Variants in FUT9 observed in about 807,000 individuals in gnomAD.
FUT9 encodes the protein 4-galactosyl-N-acetylglucosaminide 3-alpha-L-fucosyltransferase 9.
A neutral mutation model predicts 29.7 loss-of-function variants in FUT9; 15 were observed. That is an observed-to-expected ratio of 0.51 (90% CI 0.34 to 0.78). FUT9 has a LOEUF of 0.78. Ranked by LOEUF, FUT9 falls within the 30% of genes least tolerant of loss-of-function variation. The probability of loss-of-function intolerance (pLI) is 0.01; values close to 1 mark genes in which losing one functional copy is unlikely to be tolerated. For missense variants in FUT9, 319 were observed against 425.4 expected, an observed-to-expected ratio of 0.75 and a Z score of 2.20; for synonymous variants, 169 against 153.7, an observed-to-expected ratio of 1.10 and a Z score of -0.74.
intron 1 of FUT9, among the ~76,000 whole-genome samples, chr6:96,061,531 G>T (rs1300753700): frequency 6.6e-6 from 1 of 151,714 alleles, no homozygotes; most frequent in Non-Finnish European, 1.5e-5. Context: ...TTCCCATGGG[G>T]TTGGTAAACT....
rs146500175 is a variant in FUT9, at chr6:96,098,712, A to T, written c.-97-15327A>T. On this transcript the variant is annotated intron_variant, in intron 1 of 2. Transcript: ENST00000302103. ...ACCTCCTGCAGTTTTACAGTGAGCC[A>T]TTAATCAATACTGTTTGGTAGGAAA... Among the ~76,000 whole-genome samples the T allele has an allele frequency of 6.6e-4, 101 of 152,282 alleles. 1 individual carries two copies. The highest frequency in any genetic ancestry group is 3.4e-3 in the Middle Eastern group (1 of 294).
At chr6:96,072,669 G>A (rs750981216) in intron 1 of FUT9, among the ~76,000 whole-genome samples, 1 of 152,052 alleles carries the variant, frequency 6.6e-6, no homozygotes, top group African/African-American at 2.4e-5. Context: ...ATAGAAAAAG[G>A]CAACTTTTTT....
chr6:96,019,244 TA>T (rs1261918782), intron 1 of FUT9, among the ~76,000 whole-genome samples: 2 of 151,936 alleles, frequency 1.3e-5, no homozygotes, highest in African/African-American at 4.8e-5. Context: ...TAATAATAGA[TA>T]AAGAGCTAAA....
At chr6:96,068,099 A>C (rs1582207131) in intron 1 of FUT9, among the ~76,000 whole-genome samples, 1 of 152,162 alleles carries the variant, frequency 6.6e-6, no homozygotes, top group East Asian at 1.9e-4. Context: ...TAATGAATCC[A>C]ACTTTGGATT....
chr6:96,191,019 T>C (rs913434792), intron 2 of FUT9, among the ~76,000 whole-genome samples: 1 of 152,178 alleles, frequency 6.6e-6, no homozygotes. Flanking sequence ...TGCTCTGTTT[T>C]TTCCCCATCT....
intron 2 of FUT9, among the ~76,000 whole-genome samples, chr6:96,138,649 C>A (rs1274473230): frequency 6.6e-6 from 1 of 152,180 alleles, no homozygotes; most frequent in Admixed American, 6.5e-5. Context: ...CTGTCAGCAA[C>A]TTCGAAGCTG....
At chr6:96,192,812 G>T (rs1287331911) in intron 2 of FUT9, among the ~76,000 whole-genome samples, 6 of 152,010 alleles carry the variant, frequency 3.9e-5, no homozygotes, top group Non-Finnish European at 8.8e-5. Flanking sequence ...ATAATACAAG[G>T]CTACAGTAAA....
intron 1 of FUT9, among the ~76,000 whole-genome samples, chr6:96,096,801 T>G (rs148616057): frequency 6.6e-6 from 1 of 152,016 alleles, no homozygotes; most frequent in East Asian, 1.9e-4. Flanking sequence ...CAGCCCCTTT[T>G]TCTCCTTACT....
chr6:96,186,817 G>A (rs1582294267), intron 2 of FUT9, among the ~76,000 whole-genome samples: 1 of 152,220 alleles, frequency 6.6e-6, no homozygotes, highest in East Asian at 1.9e-4. Context: ...AGCAAGTTCA[G>A]CCTTTCTCTA....
At chr6:96,046,637 C>T (rs1770568534) in intron 1 of FUT9, among the ~76,000 whole-genome samples, 2 of 152,000 alleles carry the variant, frequency 1.3e-5, no homozygotes, top group African/African-American at 4.8e-5. Context: ...TATTTCATGC[C>T]CCTTCCCACA....
chr6:96,126,348 G>A (rs1406931591), intron 2 of FUT9, among the ~76,000 whole-genome samples: 1 of 152,072 alleles, frequency 6.6e-6, no homozygotes, highest in African/African-American at 2.4e-5. Context: ...AGGGTGCTGG[G>A]CTGTTTTAAA....
chr6:96,106,083 G>C (rs1330717680), intron 1 of FUT9, among the ~76,000 whole-genome samples: 1 of 148,974 alleles, frequency 6.7e-6, no homozygotes, highest in Non-Finnish European at 1.5e-5. Flanking sequence ...AGGAAAGAGA[G>C]AAAGCCTGAA....
chr6:96,060,206 A>G (rs1482137348), intron 1 of FUT9, among the ~76,000 whole-genome samples: 1 of 152,190 alleles, frequency 6.6e-6, no homozygotes, highest in Non-Finnish European at 1.5e-5. Context: ...AAACTCACTT[A>G]TGGGGAGCCA....
chr6:96,149,340 CA>C (rs34666168), intron 2 of FUT9, among the ~76,000 whole-genome samples: 85,820 of 147,758 alleles, frequency 0.58, 25,229 homozygotes, highest in East Asian at 0.78. Context: ...TTAAGGCAGA[CA>C]AAAAAAAAAG....
chr6:96,026,763 T>C (rs1237484298), intron 1 of FUT9, among the ~76,000 whole-genome samples: 1 of 151,714 alleles, frequency 6.6e-6, no homozygotes, highest in Non-Finnish European at 1.5e-5. Flanking sequence ...TGCCTTTCTT[T>C]GTATTAACAC....
chr6:96,159,154 A>G (rs1343472513), intron 2 of FUT9, among the ~76,000 whole-genome samples: 8 of 152,218 alleles, frequency 5.3e-5, no homozygotes, highest in Non-Finnish European at 1.2e-4. Flanking sequence ...AAAGAGCTAC[A>G]GAAATCGTAT....
At chr6:96,161,293 T>C (rs985176752) in intron 2 of FUT9, among the ~76,000 whole-genome samples, 1 of 152,164 alleles carries the variant, frequency 6.6e-6, no homozygotes, top group Non-Finnish European at 1.5e-5. Flanking sequence ...AGGAACATCA[T>C]TGGCCCCTTC....
intron 2 of FUT9, among the ~76,000 whole-genome samples, chr6:96,133,747 GTT>G (rs1055293274): frequency 6.6e-6 from 1 of 151,838 alleles, no homozygotes; most frequent in African/African-American, 2.4e-5. Flanking sequence ...AACCTAAAGT[GTT>G]TTTGTTTTGC....
At chr6:96,116,568 G>A (rs1033494126) in intron 2 of FUT9, among the ~76,000 whole-genome samples, 20 of 152,180 alleles carry the variant, frequency 1.3e-4, no homozygotes, top group Admixed American at 1.0e-3. Flanking sequence ...TGAACAGACT[G>A]TGGTAAATCT....
Sources: gnomAD v4.1 joint callset for allele counts (sites outside exome capture counted in the v4.1 genomes callset) on GRCh38, gnomAD v4.1.1 for gene constraint, MANE v1.5 for transcripts, NCBI Gene and HGNC (gene_info 2026-07-23, HGNC 2026-07-21) for gene names.